Variants in MEIS2 observed in about 807,000 individuals in gnomAD.
The protein encoded by MEIS2 is homeobox protein Meis2.
MEIS2 carries 9 observed loss-of-function variants against 58.6 expected under a neutral mutation model. The observed-to-expected ratio is 0.15, with a 90% CI of 0.09 to 0.27. MEIS2 has a LOEUF of 0.27. MEIS2 is among the 10% of genes least tolerant of loss of function. MEIS2 has a pLI of 1.00. For missense variants in MEIS2, 427 were observed against 635.0 expected, an observed-to-expected ratio of 0.67 and a Z score of 3.52; for synonymous variants, 221 against 228.4, an observed-to-expected ratio of 0.97 and a Z score of 0.29.
chr15:37,073,620 C>T (rs1447807352), intron 7 of MEIS2, among the ~76,000 whole-genome samples: 5 of 152,068 alleles, frequency 3.3e-5, no homozygotes, highest in African/African-American at 9.7e-5. Context: ...GACAACCTGT[C>T]AGAAAAGGAC....
At chr15:37,007,424 C>T (rs6495885) in intron 8 of MEIS2, among the ~76,000 whole-genome samples, 3,211 of 152,082 alleles carry the variant, frequency 0.021, 123 homozygotes, top group African/African-American at 0.075. Context: ...CCACTTGGAC[C>T]TGAATAAAGT....
chr15:37,026,218 T>G (rs2061699576), intron 8 of MEIS2, among the ~76,000 whole-genome samples: 1 of 152,166 alleles, frequency 6.6e-6, no homozygotes, highest in Non-Finnish European at 1.5e-5. Flanking sequence ...CAGGGAATAA[T>G]CTAGCATTCA....
chr15:36,922,695 A>T (rs574551201), intron 9 of MEIS2, among the ~76,000 whole-genome samples: 1 of 147,546 alleles, frequency 6.8e-6, no homozygotes, highest in Non-Finnish European at 1.5e-5. Flanking sequence ...ATTTCAGCAC[A>T]CTGCAACCTC....
At chr15:37,064,250 A>G (rs1406934785) in intron 7 of MEIS2, among the ~76,000 whole-genome samples, 1 of 152,168 alleles carries the variant, frequency 6.6e-6, no homozygotes, top group Non-Finnish European at 1.5e-5. Flanking sequence ...ATCTGTGTAC[A>G]TATCCACTTA....
chr15:37,032,696 T>C (rs2061979117), intron 8 of MEIS2, among the ~76,000 whole-genome samples: 1 of 152,156 alleles, frequency 6.6e-6, no homozygotes, highest in African/African-American at 2.4e-5. Context: ...AGAAAGTTTT[T>C]GCTAGTTGAA....
At chr15:37,053,300 G>A (rs2063004392) in intron 7 of MEIS2, among the ~76,000 whole-genome samples, 1 of 152,106 alleles carries the variant, frequency 6.6e-6, no homozygotes. Flanking sequence ...TGATAAAGTT[G>A]GCGAATGCAC....
chr15:37,048,063 G>C (rs1305137643), intron 7 of MEIS2, among the ~76,000 whole-genome samples: 3 of 152,102 alleles, frequency 2.0e-5, no homozygotes, highest in Non-Finnish European at 4.4e-5. Context: ...AAAGATAGCT[G>C]GCTAACATCT....
chr15:36,947,437 T>C (rs1164416034), intron 9 of MEIS2, among the ~76,000 whole-genome samples: 1 of 152,042 alleles, frequency 6.6e-6, no homozygotes, highest in Non-Finnish European at 1.5e-5. Flanking sequence ...TCTGTTTTTA[T>C]TGCTTATTGC....
Position 36,890,743 on chromosome 15 carries a change from A to G in MEIS2, c.*1430T>C, listed in dbSNP as rs1158032392. The stretch of plus-strand genomic sequence containing the variant: ...CATGAAAAGCTTTATCTGAAAGTAT[A>G]TATTTTTTAACGTCATGCATCTAAA... On this transcript the variant is annotated 3_prime_UTR_variant, in exon 12 of 12. Transcript: ENST00000561208. The G allele has an allele frequency of 2.0e-5, 3 of 152,188 alleles. No individual in the cohort carries two copies. Among genetic ancestry groups the G allele is most frequent in the South Asian group, 4.1e-4 (2 of 4,830 alleles). 9.4% of individuals were successfully genotyped at this position (152,188 alleles called of 1,614,324 possible).
At position 37,098,962 on chromosome 15, in the gene MEIS2, A is replaced by G; in HGVS notation, c.12+493T>C. The stretch of plus-strand genomic sequence containing the variant: ...TGTCAATTTCAGAGACAAAACAAGC[A>G]GCCCAGGCTAGTAGTCTAGGCGGCG... On this transcript the variant is annotated intron_variant, in intron 1 of 11. Transcript: ENST00000561208. 4 of 985,314 alleles carry G rather than the reference A, an allele frequency of 4.1e-6. No homozygotes were observed. The South Asian group carries it at 1.8e-4, about 45-fold the overall frequency. The allele number at this position is 985,314 out of a possible 1,614,324, so 61.0% of individuals were successfully genotyped here. A position where few individuals can be genotyped will look rare whatever the true frequency, so the allele number is the denominator to read the frequency against.
chr15:37,028,082 T>C (rs1162835092), intron 8 of MEIS2, among the ~76,000 whole-genome samples: 2 of 152,228 alleles, frequency 1.3e-5, no homozygotes, highest in East Asian at 3.8e-4. Context: ...AAACTCTGTG[T>C]TCTGCCTATC....
intron 9 of MEIS2, among the ~76,000 whole-genome samples, chr15:36,939,336 C>T (rs1432835191): frequency 1.3e-5 from 2 of 152,072 alleles, no homozygotes; most frequent in Non-Finnish European, 2.9e-5. Flanking sequence ...AAAAAAAATC[C>T]CAAAGCAATC....
intron 7 of MEIS2, among the ~76,000 whole-genome samples, chr15:37,070,334 C>T (rs975839802): frequency 1.3e-5 from 2 of 152,102 alleles, no homozygotes; most frequent in African/African-American, 4.8e-5. Flanking sequence ...CAGGAAGACT[C>T]CCTACAAAAT....
chr15:36,991,783 CTTTTTTTTTTTT>C (rs11285545), intron 8 of MEIS2, among the ~76,000 whole-genome samples: 5 of 51,042 alleles, frequency 9.8e-5, no homozygotes, highest in East Asian at 1.8e-3. Flanking sequence ...TTTTTTTTTT[CTTTTTTTTTTTT>C]TTTTTTTTTT....
rs1160706306 is a variant in MEIS2 at position 36,937,114 on chromosome 15, T to A, written c.977+13210A>T. Among the ~76,000 whole-genome samples, 5 of 152,292 alleles carry A rather than the reference T, an allele frequency of 3.3e-5. No homozygotes were observed. In the South Asian group the frequency reaches 1.0e-3, roughly 32 times the overall value. ...AGACTGATTAAACTGTGTTTTGAGG[T>A]GGGATATGATATTGGAGGTACACCA... On this transcript the variant is annotated intron_variant, in intron 9 of 11. Coordinates refer to ENST00000561208, the MANE Select transcript of MEIS2 (RefSeq NM_170675.5).
At chr15:37,096,515 A>G in intron 2 of MEIS2, 85 bp from the exon 3 acceptor site, 1 of 1,513,002 alleles carries the variant, frequency 6.6e-7, no homozygotes. Flanking sequence ...ACAAGTTTGG[A>G]GGGTGTGGAG....
rs2055794044 is a variant in MEIS2, at chr15:36,890,055, C to A, written c.*2118G>T. The A allele has an allele frequency of 2.6e-5, 4 of 152,218 alleles. No individual in the cohort carries two copies. The South Asian group carries it at 8.3e-4, about 32-fold the overall frequency. The allele number at this position is 152,218 out of a possible 1,614,324, so 9.4% of individuals were successfully genotyped here. ...TATATAGAACCTCCATAAATGCTGTCTGAAATGGAAAGATGGAAGAGCCCC... is the reference window on the plus strand; with the variant it reads ...TATATAGAACCTCCATAAATGCTGTATGAAATGGAAAGATGGAAGAGCCCC... On this transcript the variant is annotated 3_prime_UTR_variant, in exon 12 of 12. Coordinates refer to ENST00000561208, the MANE Select transcript of MEIS2 (RefSeq NM_170675.5).
intron 1 of MEIS2, 196 bp downstream of exon 1, chr15:37,099,259 C>T: frequency 6.9e-7 from 1 of 1,450,736 alleles, no homozygotes; most frequent in Middle Eastern, 2.6e-4. Flanking sequence ...CACACACGCA[C>T]GCACACACAC....
At chr15:36,940,839 T>G (rs1036888467) in intron 9 of MEIS2, among the ~76,000 whole-genome samples, 1 of 152,192 alleles carries the variant, frequency 6.6e-6, no homozygotes, top group South Asian at 2.1e-4. Flanking sequence ...CTGGACTTGA[T>G]GGGGTCATAG....
Sources: gnomAD v4.1 joint callset for allele counts (sites outside exome capture counted in the v4.1 genomes callset) on GRCh38, gnomAD v4.1.1 for gene constraint, MANE v1.5 for transcripts, NCBI Gene and HGNC (gene_info 2026-07-23, HGNC 2026-07-21) for gene names.